The following SCMH1 variants were observed in gnomAD, a reference collection of about 807,000 sequenced individuals.
The protein encoded by SCMH1 is polycomb protein SCMH1.
A neutral mutation model predicts 70.8 loss-of-function variants in SCMH1; 37 were observed. The ratio of observed to expected loss-of-function variants is 0.52; its 90% CI spans 0.40 to 0.69. The LOEUF (loss-of-function observed/expected upper bound fraction) is 0.69, where lower values mean the gene tolerates loss of function less well. Among genes scored for constraint, SCMH1 ranks in the 30% least tolerant of loss-of-function variants. The pLI is 0.00. For synonymous variants in SCMH1, 292 were observed against 307.4 expected (o/e 0.95, Z 0.52); for missense variants, 607 against 827.3 (o/e 0.73, Z 3.27).
intron 4 of SCMH1, among the ~76,000 whole-genome samples, chr1:41,160,528 CA>C (rs1645926460): frequency 6.6e-6 from 1 of 152,136 alleles, no homozygotes; most frequent in African/African-American, 2.4e-5. Context: ...AAAATCCCAC[CA>C]AACACTGATT....
At chr1:41,058,132 A>G (rs543929370) in intron 10 of SCMH1, among the ~76,000 whole-genome samples, 71 of 149,980 alleles carry the variant, frequency 4.7e-4, no homozygotes, top group Non-Finnish European at 8.8e-4. Context: ...AAAAAAAAAA[A>G]AAAGAAAAAG....
chr1:41,093,168 G>A (rs6688309), intron 8 of SCMH1, among the ~76,000 whole-genome samples: 128,992 of 151,726 alleles, frequency 0.85, 55,337 homozygotes, highest in East Asian at 0.96. Context: ...TGTGGCACAC[G>A]TACACCATGG....
At chr1:41,231,741 G>A (rs1394360600) in intron 1 of SCMH1, among the ~76,000 whole-genome samples, 1 of 152,100 alleles carries the variant, frequency 6.6e-6, no homozygotes, top group Non-Finnish European at 1.5e-5. Context: ...AAATTTTATA[G>A]GCCAGGTGTG....
intron 10 of SCMH1, among the ~76,000 whole-genome samples, chr1:41,057,878 TG>T (rs1258706166): frequency 1.3e-5 from 2 of 151,822 alleles, no homozygotes; most frequent in Non-Finnish European, 1.5e-5. Context: ...TAGCACTTTG[TG>T]GGGGGTCAAG....
At chr1:41,128,219 T>C (rs1013465063) in intron 6 of SCMH1, among the ~76,000 whole-genome samples, 4 of 152,216 alleles carry the variant, frequency 2.6e-5, no homozygotes, top group East Asian at 3.8e-4. Flanking sequence ...TGAATTATTA[T>C]ATGTACACTA....
chr1:41,152,620 A>T lies in SCMH1; in HGVS notation c.107-936T>A, dbSNP rs549218173. ...CCACCTAGAGGTGACCCCATGATGG[A>T]GCAGGGAAGGTCCCAGAGAATCTCA... On this transcript the variant is annotated intron_variant, in intron 4 of 14. Coordinates refer to ENST00000337495, the Ensembl canonical transcript of SCMH1. 1.3e-4 allele frequency: 210 copies of T among 1,614,178 alleles called. 2 individuals are homozygous for T. In the South Asian group the frequency reaches 2.2e-3, roughly 17 times the overall value.
At position 41,042,046 on chromosome 1, in the gene SCMH1, C is replaced by T. The variant is rs117577261; in HGVS notation, c.1498+4361G>A. Among the ~76,000 whole-genome samples the T allele has an allele frequency of 4.7e-4, 71 of 152,252 alleles. No homozygotes were observed. In the East Asian group the frequency reaches 0.013, roughly 29 times the overall value. ...ACAAGCCACTTACTTGATCTAGCCA[C>T]ATGTATAGTTCTGCTCTGACATCAC... is the stretch of plus-strand genomic sequence containing the variant. On this transcript the variant is annotated intron_variant, in intron 12 of 14. Coordinates refer to ENST00000337495, the Ensembl canonical transcript of SCMH1.
At chr1:41,031,525 A>C (rs1479714536) in intron 13 of SCMH1, among the ~76,000 whole-genome samples, 1 of 152,172 alleles carries the variant, frequency 6.6e-6, no homozygotes, top group Non-Finnish European at 1.5e-5. Flanking sequence ...TCAAGCTTAT[A>C]GTTGGGCACT....
At chr1:41,078,567 G>A (rs537158711) in intron 8 of SCMH1, among the ~76,000 whole-genome samples, 1 of 152,200 alleles carries the variant, frequency 6.6e-6, no homozygotes, top group African/African-American at 2.4e-5. Flanking sequence ...AGCATTACCG[G>A]AGCAACAATA....
intron 1 of SCMH1, among the ~76,000 whole-genome samples, chr1:41,187,670 C>A (rs1650588863): frequency 6.6e-6 from 1 of 150,962 alleles, no homozygotes; most frequent in African/African-American, 2.4e-5. Flanking sequence ...GGCAGGAGGA[C>A]CACCTGTAAT....
chr1:41,111,174 T>C (rs552981912), intron 8 of SCMH1, among the ~76,000 whole-genome samples: 1 of 152,350 alleles, frequency 6.6e-6, no homozygotes, highest in Admixed American at 6.5e-5. Flanking sequence ...ATATTCTGGA[T>C]ACAAGTCCAA....
At chr1:41,073,900 G>T (rs1438614502) in intron 9 of SCMH1, among the ~76,000 whole-genome samples, 2 of 152,074 alleles carry the variant, frequency 1.3e-5, no homozygotes, top group Non-Finnish European at 2.9e-5. Context: ...TGGGATGGAG[G>T]AATTAATGAG....
chr1:41,058,899 GAT>G (rs1651570636), intron 10 of SCMH1, among the ~76,000 whole-genome samples: 1 of 152,222 alleles, frequency 6.6e-6, no homozygotes, highest in Non-Finnish European at 1.5e-5. Context: ...CACCTGAGAA[GAT>G]ATGATATTGA....
intron 1 of SCMH1, among the ~76,000 whole-genome samples, chr1:41,213,837 C>T (rs905736147): frequency 6.6e-6 from 1 of 151,986 alleles, no homozygotes; most frequent in Admixed American, 6.6e-5. Context: ...AGCCATGAAC[C>T]TAGGACAGGT....
At chr1:41,161,817 AAAAAC>A (rs1488896100) in intron 2 of SCMH1, among the ~76,000 whole-genome samples, 1 of 152,246 alleles carries the variant, frequency 6.6e-6, no homozygotes, top group Non-Finnish European at 1.5e-5. Flanking sequence ...TTAAAACACT[AAAAAC>A]AAACAGCACC....
At chr1:41,063,829 C>G (rs182423434) in intron 10 of SCMH1, among the ~76,000 whole-genome samples, 144 of 152,174 alleles carry the variant, frequency 9.5e-4, no homozygotes, top group African/African-American at 3.4e-3. Context: ...TAATTAAACC[C>G]AAACCTTCAA....
At chr1:41,084,722 C>T (rs948918708) in intron 8 of SCMH1, among the ~76,000 whole-genome samples, 1 of 151,996 alleles carries the variant, frequency 6.6e-6, no homozygotes, top group African/African-American at 2.4e-5. Flanking sequence ...GACTTGGAAC[C>T]AACCCAAATG....
At chr1:41,129,324 A>G (rs1050117970) in intron 6 of SCMH1, among the ~76,000 whole-genome samples, 9 of 151,928 alleles carry the variant, frequency 5.9e-5, no homozygotes, top group African/African-American at 2.2e-4. Context: ...ATTTTCCCCA[A>G]CTGAAACTCT....
At chr1:41,048,585 A>G in intron 11 of SCMH1, 105 bp downstream of exon 11, 1 of 993,604 alleles carries the variant, frequency 1.0e-6, no homozygotes. Flanking sequence ...ATTTTTCCAG[A>G]GCCTGCAGGT....
Sources: gnomAD v4.1 joint callset for allele counts (sites outside exome capture counted in the v4.1 genomes callset) on GRCh38, gnomAD v4.1.1 for gene constraint, MANE v1.5 for transcripts, NCBI Gene and HGNC (gene_info 2026-07-23, HGNC 2026-07-21) for gene names.